Variants in MICU1 observed in about 807,000 individuals in gnomAD.
The protein encoded by MICU1 is mitochondrial calcium uptake 1.
In MICU1, 45 loss-of-function variants were observed where a neutral mutation model predicts 56.8. The ratio of observed to expected loss-of-function variants is 0.79; its 90% confidence interval spans 0.62 to 1.02. The LOEUF is 1.02. Among genes scored for constraint, MICU1 ranks in the 50% least tolerant of loss-of-function variants. The pLI is 0.00. For synonymous variants in MICU1, 186 were observed against 195.1 expected (o/e 0.95, Z 0.39); for missense variants, 504 against 587.1 (o/e 0.86, Z 1.46).
At chr10:72,424,569 G>A (rs1337210401) in intron 8 of MICU1, among the ~76,000 whole-genome samples, 2 of 151,864 alleles carry the variant, frequency 1.3e-5, no homozygotes, top group African/African-American at 2.4e-5. Flanking sequence ...TGCCTGCCTT[G>A]GCCTCCTAAA....
intron 11 of MICU1, among the ~76,000 whole-genome samples, chr10:72,369,193 G>C (rs143506652): frequency 6.6e-6 from 1 of 151,642 alleles, no homozygotes; most frequent in Non-Finnish European, 1.5e-5. Flanking sequence ...CAGGAAGATC[G>C]CTTGATTACC....
intron 8 of MICU1, among the ~76,000 whole-genome samples, chr10:72,425,076 A>C (rs1394476074): frequency 6.6e-6 from 1 of 152,228 alleles, no homozygotes; most frequent in African/African-American, 2.4e-5. Flanking sequence ...AGGACTGACA[A>C]AATTTTCTAA....
At chr10:72,510,027 C>T (rs920414669) in intron 5 of MICU1, among the ~76,000 whole-genome samples, 1 of 151,942 alleles carries the variant, frequency 6.6e-6, no homozygotes, top group African/African-American at 2.4e-5. Flanking sequence ...TGTATAGAAG[C>T]TAATATTTAA....
chr10:72,438,253 A>G lies in MICU1; in HGVS notation c.934-14882T>C, dbSNP rs1864799919. Among the ~76,000 whole-genome samples the G allele has an allele frequency of 2.6e-5, 4 of 152,196 alleles. No homozygotes were observed. The South Asian group carries it at 8.3e-4, about 32-fold the overall frequency. ...CTCAGGATTAAGAAACTCACTCAAA[A>G]CCGCACAACTACATGGAAACTGAAC... On this transcript the variant is annotated intron_variant, in intron 8 of 11. Coordinates refer to ENST00000361114, the MANE Select transcript of MICU1 (RefSeq NM_001195518.2).
At chr10:72,470,714 G>C (rs182189149) in intron 8 of MICU1, among the ~76,000 whole-genome samples, 50 of 152,244 alleles carry the variant, frequency 3.3e-4, no homozygotes, top group African/African-American at 1.1e-3. Context: ...TGATCGGGGG[G>C]GGTGAGGTGG....
chr10:72,623,141 C>T (rs990326682), intron 1 of MICU1, among the ~76,000 whole-genome samples: 1 of 151,380 alleles, frequency 6.6e-6, no homozygotes, highest in Non-Finnish European at 1.5e-5. Flanking sequence ...TGGTGGCGCA[C>T]GCTCCTGTAA....
chr10:72,396,520 G>GAAGCTAAAA (rs1479603391), intron 10 of MICU1, among the ~76,000 whole-genome samples: 1 of 152,178 alleles, frequency 6.6e-6, no homozygotes, highest in African/African-American at 2.4e-5. Context: ...CCATCGCGAG[G>GAAGCTAAAA]AAGCTAAAAA....
intron 9 of MICU1, among the ~76,000 whole-genome samples, chr10:72,417,725 A>C (rs1864029365): frequency 6.6e-6 from 1 of 152,208 alleles, no homozygotes; most frequent in African/African-American, 2.4e-5. Context: ...AATTTTTGTC[A>C]AGCACGGCAG....
chr10:72,370,487 C>T (rs1202963933), intron 11 of MICU1, among the ~76,000 whole-genome samples: 1 of 152,008 alleles, frequency 6.6e-6, no homozygotes, highest in Non-Finnish European at 1.5e-5. Context: ...CACAGCAAGA[C>T]AAAACCCAAA....
rs149070733 is a variant in MICU1 at position 72,373,144 on chromosome 10, A to G, written c.1270+2639T>C. Among the ~76,000 whole-genome samples, 10 of 151,388 alleles carry G rather than the reference A, an allele frequency of 6.6e-5. No homozygotes were observed. The East Asian group carries it at 1.9e-3, about 29-fold the overall frequency. On this transcript the variant is annotated intron_variant, in intron 11 of 11. Transcript: ENST00000361114. ...GATGAAGAAGTCTATTTGAAAATCGAATTCTCCATCCCCTGGCACTTTATT... is the reference window on the plus strand; with the variant it reads ...GATGAAGAAGTCTATTTGAAAATCGGATTCTCCATCCCCTGGCACTTTATT...
chr10:72,621,496 A>T (rs1439191339), intron 1 of MICU1, among the ~76,000 whole-genome samples: 1 of 152,108 alleles, frequency 6.6e-6, no homozygotes, highest in Non-Finnish European at 1.5e-5. Flanking sequence ...CCGTCTCAAA[A>T]AATAATAATA....
At chr10:72,414,067 T>C (rs1404754445) in intron 9 of MICU1, among the ~76,000 whole-genome samples, 1 of 152,194 alleles carries the variant, frequency 6.6e-6, no homozygotes, top group Non-Finnish European at 1.5e-5. Flanking sequence ...GAAAACGGTT[T>C]AGCAGTTCCT....
chr10:72,529,048 T>C (rs1839402083), intron 5 of MICU1, among the ~76,000 whole-genome samples: 1 of 152,222 alleles, frequency 6.6e-6, no homozygotes. Flanking sequence ...AATACTTCCC[T>C]TTCTTGGTTT....
At chr10:72,500,475 C>T (rs1420078053) in intron 6 of MICU1, among the ~76,000 whole-genome samples, 2 of 151,128 alleles carry the variant, frequency 1.3e-5, no homozygotes, top group Non-Finnish European at 2.9e-5. Flanking sequence ...GTACTCACCA[C>T]CATACCCAGG....
At chr10:72,434,569 C>A (rs1387177055) in intron 8 of MICU1, among the ~76,000 whole-genome samples, 1 of 152,118 alleles carries the variant, frequency 6.6e-6, no homozygotes, top group East Asian at 1.9e-4. Flanking sequence ...GGAGGCCCAA[C>A]ATTATTCAGA....
chr10:72,603,557 C>T (rs1841602107), intron 1 of MICU1, among the ~76,000 whole-genome samples: 2 of 151,800 alleles, frequency 1.3e-5, no homozygotes. Flanking sequence ...GTAGCTCACA[C>T]CTATAATCCC....
intron 5 of MICU1, among the ~76,000 whole-genome samples, chr10:72,523,196 G>C (rs1478278922): frequency 1.3e-5 from 2 of 152,012 alleles, no homozygotes; most frequent in Non-Finnish European, 2.9e-5. Context: ...ATTATTAAAG[G>C]AGAGGAAGAG....
intron 5 of MICU1, among the ~76,000 whole-genome samples, chr10:72,523,641 T>C (rs1164971377): frequency 6.6e-6 from 1 of 152,184 alleles, no homozygotes; most frequent in Non-Finnish European, 1.5e-5. Flanking sequence ...TGTTTATAAT[T>C]CAGCTTAATT....
At chr10:72,411,503 A>ATT (rs984335094) in intron 9 of MICU1, among the ~76,000 whole-genome samples, 1 of 149,340 alleles carries the variant, frequency 6.7e-6, no homozygotes, top group East Asian at 2.0e-4. Flanking sequence ...AATTTTTTGT[A>ATT]TTTTTTTTTA....
Sources: gnomAD v4.1 joint callset for allele counts (sites outside exome capture counted in the v4.1 genomes callset) on GRCh38, gnomAD v4.1.1 for gene constraint, MANE v1.5 for transcripts, NCBI Gene and HGNC (gene_info 2026-07-23, HGNC 2026-07-21) for gene names.